MRGPRX3: variants seen among roughly 807,000 people sequenced by gnomAD.
The protein encoded by MRGPRX3 is MAS related GPR family member X3, also known as mas-related G protein-coupled receptor member X3.
A neutral mutation model predicts 16.5 loss-of-function variants in MRGPRX3; 14 were observed. The observed-to-expected ratio is 0.85, with a 90% CI of 0.56 to 1.33. MRGPRX3 has a LOEUF of 1.33. Among genes scored for constraint, MRGPRX3 ranks in the 40% most tolerant of loss-of-function variants. The pLI is 0.00. For synonymous variants in MRGPRX3, 199 were observed against 180.1 expected (o/e 1.10, Z -0.84); for missense variants, 449 against 413.0 (o/e 1.09, Z -0.76).
chr11:18,127,952 G>A (rs538909530), upstream of MRGPRX3, among the ~76,000 whole-genome samples: 1 of 152,312 alleles, frequency 6.6e-6, no homozygotes, highest in East Asian at 1.9e-4. Context: ...GGGTTTTGGT[G>A]TGGATGTCCT....
At chr11:18,122,619 C>T (rs1184269620) in intron 1 of MRGPRX3, among the ~76,000 whole-genome samples, 1 of 152,196 alleles carries the variant, frequency 6.6e-6, no homozygotes, top group Admixed American at 6.5e-5. Context: ...CAAGTCTTTG[C>T]TATTGTGAAT....
intron 1 of MRGPRX3, among the ~76,000 whole-genome samples, chr11:18,136,546 TC>T (rs1224847141): frequency 2.6e-5 from 4 of 152,262 alleles, no homozygotes; most frequent in Non-Finnish European, 4.4e-5. Flanking sequence ...ATTTTCCATT[TC>T]ATCCAAATCT....
In MRGPRX3 at chr11:18,137,790, G is replaced by T. The variant is rs778335414; in HGVS notation, c.588G>T (p.Leu196=). ...FLCVVLCGSS[L]VLLVRILCGS... ...GTGTGGTTCTCTGTGGGTCCAGCCTGGTCCTGCTGGTCAGGATTCTCTGTG... is the reference window on the plus strand; with the variant it reads ...GTGTGGTTCTCTGTGGGTCCAGCCTTGTCCTGCTGGTCAGGATTCTCTGTG... The change falls in exon 2 of 2, where the codon CTG becomes CTT. Residue 196 remains leucine (L), a synonymous_variant. Transcript: ENST00000621697. 8.7e-6 allele frequency: 14 copies of T among 1,613,836 alleles called. No individual in the cohort carries two copies. In the South Asian group the frequency reaches 1.4e-4, roughly 16 times the overall value.
chr11:18,135,523 A>G (rs143932029), intron 1 of MRGPRX3, among the ~76,000 whole-genome samples: 1 of 152,152 alleles, frequency 6.6e-6, no homozygotes, highest in South Asian at 2.1e-4. Flanking sequence ...GCTCCTGCCC[A>G]TGTGCATTCT....
At chr11:18,122,045 ATCTT>A (rs1848844919) in intron 1 of MRGPRX3, among the ~76,000 whole-genome samples, 1 of 151,716 alleles carries the variant, frequency 6.6e-6, no homozygotes, top group Non-Finnish European at 1.5e-5. Flanking sequence ...AAAAAGAAAA[ATCTT>A]TCAAGATTTT....
At chr11:18,121,956 G>A (rs1379750579) in intron 1 of MRGPRX3, among the ~76,000 whole-genome samples, 2 of 146,964 alleles carry the variant, frequency 1.4e-5, no homozygotes, top group East Asian at 2.0e-4. Context: ...CTATGACCCT[G>A]CCAAATCCCT....
chr11:18,128,526 A>AG, upstream of MRGPRX3, among the ~76,000 whole-genome samples: 1 of 152,122 alleles, frequency 6.6e-6, no homozygotes, highest in African/African-American at 2.4e-5. Flanking sequence ...TTGATCTCAG[A>AG]CTACTGTGCT....
chr11:18,122,204 T>A (rs1848847373), intron 1 of MRGPRX3, among the ~76,000 whole-genome samples: 1 of 151,268 alleles, frequency 6.6e-6, no homozygotes, highest in South Asian at 2.1e-4. Context: ...TTGCTGAGAC[T>A]TTTTTTTTAT....
rs1475691373 is a variant in MRGPRX3 at position 18,121,502 on chromosome 11, C to T, written c.-152+338C>T. On this transcript the variant is annotated intron_variant, in intron 1 of 2. Coordinates refer to the MRGPRX3 transcript ENST00000396275. ...CAGCCGCCCCGTCTGGGAGGTGTGC[C>T]CAACAGCTCATTGAGAACGGGCCAG... Among the ~76,000 whole-genome samples, 3 of 152,322 alleles carry T rather than the reference C, an allele frequency of 2.0e-5. No individual in the cohort carries two copies. The East Asian group carries it at 5.8e-4, about 29-fold the overall frequency.
In MRGPRX3 at chr11:18,137,684, G is replaced by A. The variant is rs752921346; in HGVS notation, c.482G>A (p.Cys161Tyr). 1.9e-6 allele frequency: 3 copies of A among 1,614,112 alleles called. No individual in the cohort carries two copies. In the South Asian group the frequency reaches 3.3e-5, roughly 18 times the overall value. The change falls in exon 2 of 2, where the codon TGT becomes TAT. Residue 161 changes from cysteine to tyrosine, a missense_variant. Physicochemically the swap from Cys to Tyr is radical, Grantham distance 194 (BLOSUM62 -2). Coordinates refer to ENST00000621697, the MANE Select transcript of MRGPRX3 (RefSeq NM_001370464.1). ...CGGAGTATCCTGGAGTGGATGTTCT[G>A]TGACTTCCTGTTTAGTGGTGCTAAT... The part of the protein sequence containing the change: ...LLRSILEWMF[C>Y]DFLFSGANSV...
At chr11:18,134,468 A>G (rs905316999) in intron 1 of MRGPRX3, among the ~76,000 whole-genome samples, 7 of 152,386 alleles carry the variant, frequency 4.6e-5, no homozygotes, top group Non-Finnish European at 7.3e-5. Flanking sequence ...GTTATTCTAA[A>G]TAACTTTAAA....
At chr11:18,137,111 C>T (rs757665478) in intron 1 of MRGPRX3, 67 bp from the exon 2 acceptor site, 13 of 1,455,526 alleles carry the variant, frequency 8.9e-6, no homozygotes, top group Admixed American at 2.2e-5. Flanking sequence ...GTAAATCCCA[C>T]ATGGCAGGGT....
intron 1 of MRGPRX3, among the ~76,000 whole-genome samples, chr11:18,126,592 T>C (rs988419733): frequency 5.3e-5 from 8 of 152,166 alleles, no homozygotes; most frequent in Admixed American, 3.9e-4. Context: ...GCTGCACCCA[T>C]TAACTCGTCA....
At position 18,138,412 on chromosome 11, in the gene MRGPRX3, C is replaced by T; in HGVS notation, c.*241C>T. ...CCAATACATTTTCCCTGTTATCTTG[C>T]ACTGAATCTTTCCTACTGAACACTT... On this transcript the variant is annotated 3_prime_UTR_variant, in exon 2 of 2. Transcript: ENST00000621697. 1 of 527,626 alleles carries T rather than the reference C, an allele frequency of 1.9e-6. No homozygotes were observed. Among genetic ancestry groups the T allele is most frequent in the Non-Finnish European group, 3.2e-6 (1 of 310,682 alleles). 32.7% of individuals were successfully genotyped at this position (527,626 alleles called of 1,614,324 possible).
intron 1 of MRGPRX3, among the ~76,000 whole-genome samples, chr11:18,122,015 A>C (rs1167614119): frequency 3.6e-5 from 1 of 28,070 alleles, no homozygotes; most frequent in African/African-American, 4.7e-5. Flanking sequence ...AATTTAAAAA[A>C]AAAGAAAAAA....
At chr11:18,132,078 G>A (rs1455605585), upstream of MRGPRX3, among the ~76,000 whole-genome samples, 2 of 152,052 alleles carry the variant, frequency 1.3e-5, no homozygotes, top group African/African-American at 4.8e-5. Flanking sequence ...AATAATAAAT[G>A]ATTTAATTTC....
At chr11:18,136,201 G>C (rs560060758) in intron 1 of MRGPRX3, among the ~76,000 whole-genome samples, 15 of 152,300 alleles carry the variant, frequency 9.8e-5, no homozygotes, top group African/African-American at 2.4e-4. Context: ...ACACTTAGTA[G>C]TCCCCCATAC....
chr11:18,137,122 G>A (rs1203294622), intron 1 of MRGPRX3, 56 bp from the exon 2 acceptor site: 8 of 1,480,032 alleles, frequency 5.4e-6, no homozygotes, highest in Middle Eastern at 3.6e-4. Context: ...ATGGCAGGGT[G>A]GTGGGGAGAA....
intron 1 of MRGPRX3, among the ~76,000 whole-genome samples, chr11:18,133,638 C>T (rs1339008600): frequency 6.6e-6 from 1 of 152,164 alleles, no homozygotes; most frequent in Non-Finnish European, 1.5e-5. Context: ...CCTCGCTCCC[C>T]CTTTGCCTTT....
Sources: gnomAD v4.1 joint callset for allele counts (sites outside exome capture counted in the v4.1 genomes callset) on GRCh38, gnomAD v4.1.1 for gene constraint, MANE v1.5 for transcripts, NCBI Gene and HGNC (gene_info 2026-07-23, HGNC 2026-07-21) for gene names.